The following MORC2 variants were observed in gnomAD, a reference collection of about 807,000 sequenced individuals.
MORC2 encodes ATPase MORC2.
In MORC2, 30 loss-of-function variants were observed where a neutral mutation model predicts 136.0. The observed-to-expected ratio is 0.22, with a 90% confidence interval of 0.17 to 0.30. The LOEUF is 0.30. MORC2 is among the 10% of genes least tolerant of loss of function. The pLI is 1.00. For missense variants in MORC2, 922 were observed against 1,333.1 expected, an observed-to-expected ratio of 0.69 and a Z score of 4.80; for synonymous variants, 439 against 487.0, an observed-to-expected ratio of 0.90 and a Z score of 1.30.
chr22:30,929,456 G>GT (rs2040539806), intron 24 of MORC2, among the ~76,000 whole-genome samples: 1 of 152,286 alleles, frequency 6.6e-6, no homozygotes, highest in Admixed American at 6.5e-5. Flanking sequence ...TAAAAAAATA[G>GT]TTTGAGTGAT....
intron 5 of MORC2, among the ~76,000 whole-genome samples, chr22:30,946,768 C>G (rs965864630): frequency 3.3e-5 from 5 of 152,146 alleles, no homozygotes; most frequent in Non-Finnish European, 7.4e-5. Flanking sequence ...TAGTCTCACT[C>G]CCCCCACAAC....
At chr22:30,927,106 T>C (rs541266434) in intron 25 of MORC2, among the ~76,000 whole-genome samples, 1 of 152,002 alleles carries the variant, frequency 6.6e-6, no homozygotes, top group African/African-American at 2.4e-5. Flanking sequence ...ATGTTCCCAA[T>C]TGTCTTAGAT....
At chr22:30,945,825 C>G (rs1569197134) in intron 6 of MORC2, among the ~76,000 whole-genome samples, 2 of 152,210 alleles carry the variant, frequency 1.3e-5, no homozygotes, top group Non-Finnish European at 2.9e-5. Flanking sequence ...TTCCTGTTCT[C>G]CATACACTCA....
Position 30,939,939 on chromosome 22 carries a change from C to T in MORC2, c.987+20G>A, listed in dbSNP as rs537612029. 6.5e-5 allele frequency: 105 copies of T among 1,610,882 alleles called. No homozygotes were observed. The South Asian group carries it at 1.1e-3, about 17-fold the overall frequency. On this transcript the variant is annotated intron_variant, in intron 11 of 25. Transcript: ENST00000397641. ...AGTGCCAGAAACGCTGGAGAACAGC[C>T]GCCTGGGCCGGGACCTTACCCTGGA...
chr22:30,926,787 GCT>G lies in MORC2; in HGVS notation c.*14_*15del, dbSNP rs779028236. The G allele has an allele frequency of 7.5e-6, 12 of 1,608,270 alleles. No individual in the cohort carries two copies. The East Asian group carries it at 8.9e-5, about 12-fold the overall frequency. On this transcript the variant is annotated 3_prime_UTR_variant, in exon 26 of 26. Transcript: ENST00000397641. ...TGAGGGGCAGGTGGGCAGGGGAGCT[GCT>G]CTCTCTCCTGCCTTCAGTCCCCCTT...
intron 20 of MORC2, among the ~76,000 whole-genome samples, chr22:30,933,773 C>T (rs1258421867): frequency 6.6e-6 from 1 of 152,226 alleles, no homozygotes; most frequent in Non-Finnish European, 1.5e-5. Flanking sequence ...TGTGTGACTT[C>T]AGGCCTGTGG....
intron 1 of MORC2, chr22:30,963,384 A>T: frequency 2.7e-5 from 21 of 777,720 alleles, no homozygotes; most frequent in Non-Finnish European, 2.9e-5. Flanking sequence ...TCAACTGATT[A>T]TGGCTTTTTT....
intron 3 of MORC2, among the ~76,000 whole-genome samples, chr22:30,955,488 T>G (rs991483228): frequency 6.6e-6 from 1 of 152,188 alleles, no homozygotes; most frequent in Non-Finnish European, 1.5e-5. Flanking sequence ...TGGGGCAGAT[T>G]CTTCATAATT....
chr22:30,937,461 G>C lies in MORC2; in HGVS notation c.1498+122C>G, dbSNP rs2040670701. 4.2e-6 allele frequency: 6 copies of C among 1,428,620 alleles called. No homozygotes were observed. In the Admixed American group the frequency reaches 6.5e-5, roughly 15 times the overall value. 88.5% of individuals were successfully genotyped at this position (1,428,620 alleles called of 1,614,324 possible). A position where few individuals can be genotyped will look rare whatever the true frequency, so the allele number is the denominator to read the frequency against. On this transcript the variant is annotated intron_variant, in intron 15 of 25. Transcript: ENST00000397641. This position sits in a 1 kb window ranked among gnomAD's most constrained non-coding sequence, Gnocchi z 4.7. Reference sequence around the variant, plus strand: ...CACAGGGCCATCGTCAAACAGACTTGGATCCCTAGGGGACTGTAAGTCCAT... The same window carrying C: ...CACAGGGCCATCGTCAAACAGACTTCGATCCCTAGGGGACTGTAAGTCCAT...
Position 30,935,084 on chromosome 22 carries a change from A to C in MORC2, c.1890T>G (p.Pro630=), listed in dbSNP as rs780961511. 6.2e-7 allele frequency: 1 copy of C among 1,613,728 alleles called. No individual in the cohort carries two copies. The highest frequency in any genetic ancestry group is 8.5e-7 in the Non-Finnish European group (1 of 1,179,972). Reference sequence around the variant, plus strand: ...TGGCTGGTCTAGGAGTTGGCAAAGAAGGGGGTCTGCTGGGGGCGTTCCTGA... The same window carrying C: ...TGGCTGGTCTAGGAGTTGGCAAAGACGGGGGTCTGCTGGGGGCGTTCCTGA... ...AVIRNAPSRP[P]SLPTPRPASQ... Residue 630 remains proline, a synonymous_variant, in exon 19 of 26, where the codon CCT becomes CCG. Coordinates refer to ENST00000397641, the MANE Select transcript of MORC2 (RefSeq NM_001303256.3).
At chr22:30,944,358 A>AT (rs546290620) in intron 6 of MORC2, among the ~76,000 whole-genome samples, 79 of 152,140 alleles carry the variant, frequency 5.2e-4, no homozygotes, top group Non-Finnish European at 1.0e-3. Flanking sequence ...TTTCACTCCC[A>AT]TGGGCACCCC....
In MORC2 at chr22:30,934,672, T is replaced by C. The variant is rs2040625281; in HGVS notation, c.2193+109A>G. The C allele has an allele frequency of 1.4e-6, 2 of 1,445,454 alleles. No individual in the cohort carries two copies. The highest frequency in any genetic ancestry group is 1.4e-5 in the African/African-American group (1 of 70,794). 89.5% of individuals were successfully genotyped at this position (1,445,454 alleles called of 1,614,324 possible). A position where few individuals can be genotyped will look rare whatever the true frequency, so the allele number is the denominator to read the frequency against. The stretch of plus-strand genomic sequence containing the variant: ...GTCCTCAGGGGCAGCAGCAAAGCTT[T>C]AGATTCAGTATCTTCCGAAGGCTCC... On this transcript the variant is annotated intron_variant, in intron 19 of 25. Coordinates refer to ENST00000397641, the MANE Select transcript of MORC2 (RefSeq NM_001303256.3). This position sits in a 1 kb window ranked among gnomAD's most constrained non-coding sequence, Gnocchi z 4.4.
rs780764692 is a variant in MORC2 at position 30,936,663 on chromosome 22, C to T, written c.1605-20G>A. 7.5e-6 allele frequency: 12 copies of T among 1,610,576 alleles called. 1 individual carries two copies. Among genetic ancestry groups the T allele is most frequent in the Middle Eastern group, 3.3e-4 (2 of 6,036 alleles). Reference sequence around the variant, plus strand: ...TCACACCTGTAGAGACAAGGTACTACAGAGGTCGTGGCAAACAGAGCGCCA... The same window carrying T: ...TCACACCTGTAGAGACAAGGTACTATAGAGGTCGTGGCAAACAGAGCGCCA... On this transcript the variant is annotated intron_variant, in intron 16 of 25. Coordinates refer to ENST00000397641, the MANE Select transcript of MORC2 (RefSeq NM_001303256.3).
Position 30,937,473 on chromosome 22 carries a change from G to C in MORC2, c.1498+110C>G. 4.7e-6 allele frequency: 7 copies of C among 1,486,474 alleles called. No individual in the cohort carries two copies. The highest frequency in any genetic ancestry group is 6.3e-6 in the Non-Finnish European group (7 of 1,103,400). The allele number at this position is 1,486,474 out of a possible 1,614,324, so 92.1% of individuals were successfully genotyped here. A position where few individuals can be genotyped will look rare whatever the true frequency, so the allele number is the denominator to read the frequency against. On this transcript the variant is annotated intron_variant, in intron 15 of 25. Coordinates refer to ENST00000397641, the MANE Select transcript of MORC2 (RefSeq NM_001303256.3). The surrounding 1 kb of genome is among the most constrained non-coding windows in gnomAD (Gnocchi z 4.7). ...GTCAAACAGACTTGGATCCCTAGGG[G>C]ACTGTAAGTCCATGAATGTCAGTCA... is the stretch of plus-strand genomic sequence containing the variant.
chr22:30,932,832 G>C lies in MORC2; in HGVS notation c.2522+57C>G. 2 of 1,613,214 alleles carry C rather than the reference G, an allele frequency of 1.2e-6. No homozygotes were observed. Among genetic ancestry groups the C allele is most frequent in the Non-Finnish European group, 1.7e-6 (2 of 1,179,316 alleles). ...GGCTCCCAGGATGGGCTGCTGGCAG[G>C]GAGGCCGGGGATACCTCCTTCGAGG... On this transcript the variant is annotated intron_variant, in intron 22 of 25. Coordinates refer to ENST00000397641, the MANE Select transcript of MORC2 (RefSeq NM_001303256.3). The surrounding 1 kb of genome is among the most constrained non-coding windows in gnomAD (Gnocchi z 4.4).
rs34059352 is a variant in MORC2 at position 30,954,952 on chromosome 22, AT to A, written c.157+1810del. Among the ~76,000 whole-genome samples the A allele has an allele frequency of 1.3e-3, 135 of 105,318 alleles. 1 individual carries two copies. Among genetic ancestry groups the A allele is most frequent in the Middle Eastern group, 0.012 (2 of 168 alleles). The allele number at this position is 105,318 out of a possible 152,430, so 69.1% of individuals were successfully genotyped here. A position where few individuals can be genotyped will look rare whatever the true frequency, so the allele number is the denominator to read the frequency against. On this transcript the variant is annotated intron_variant, in intron 3 of 25. Transcript: ENST00000397641. ...AAAGGCACCTCCATCTGGCCTGAGC[AT>A]TTTTTTTTTTTTTTTTTTTTTTGAG...
At chr22:30,955,876 G>C (rs950179829) in intron 3 of MORC2, among the ~76,000 whole-genome samples, 1 of 151,990 alleles carries the variant, frequency 6.6e-6, no homozygotes, top group Non-Finnish European at 1.5e-5. Context: ...CGGGTGTGGT[G>C]GTGGGCGCCT....
chr22:30,934,900 C>T lies in MORC2; in HGVS notation c.2074G>A (p.Val692Met). The T allele has an allele frequency of 6.2e-7, 1 of 1,614,098 alleles. No homozygotes were observed. Among genetic ancestry groups the T allele is most frequent in the Non-Finnish European group, 8.5e-7 (1 of 1,180,012 alleles). Residue 692 changes from valine (V) to methionine (M), a missense_variant, in exon 19 of 26, where the codon GTG (valine) becomes ATG (methionine). Physicochemically the swap from Val to Met is conservative, Grantham distance 21. This residue lies in a region of MORC2 where 184 missense variants were observed against 180.3 expected (regional missense o/e 1.02). Coordinates refer to ENST00000397641, the MANE Select transcript of MORC2 (RefSeq NM_001303256.3). The surrounding 1 kb of genome is among the most constrained non-coding windows in gnomAD (Gnocchi z 4.4). ...VKTASRPAPL[V>M]QQLSPSLLPN... ...AGTAAAGATGGTGACAGTTGCTGCA[C>T]CAGAGGGGCAGGTCGGGATGCAGTC...
chr22:30,946,307 G>A, intron 6 of MORC2, 34 bp downstream of exon 6: 1 of 1,541,696 alleles, frequency 6.5e-7, no homozygotes, highest in Non-Finnish European at 8.9e-7. Context: ...AGGAAATGAG[G>A]ACTGGTGATG....
Sources: gnomAD v4.1 joint callset for allele counts (sites outside exome capture counted in the v4.1 genomes callset) on GRCh38, gnomAD v4.1.1 for gene constraint, gnomAD v4.1.1 regional missense constraint, Gnocchi (gnomAD v3.1) non-coding constraint, MANE v1.5 for transcripts, NCBI Gene and HGNC (gene_info 2026-07-23, HGNC 2026-07-21) for gene names.